Variants in WNT11 observed in about 807,000 individuals in gnomAD.
The protein encoded by WNT11 is Wnt family member 11.
A neutral mutation model predicts 35.6 loss-of-function variants in WNT11; 20 were observed. The ratio of observed to expected loss-of-function variants is 0.56; its 90% CI spans 0.40 to 0.82. The LOEUF is 0.82. WNT11 is among the 40% of genes least tolerant of loss of function. The probability of loss-of-function intolerance (pLI) is 0.00; values close to 1 mark genes in which losing one functional copy is unlikely to be tolerated. For synonymous variants in WNT11, 200 were observed against 211.9 expected (o/e 0.94, Z 0.49); for missense variants, 459 against 504.4 (o/e 0.91, Z 0.86).
At chr11:76,200,941 G>A (rs1409739363) in intron 1 of WNT11, among the ~76,000 whole-genome samples, 1 of 152,230 alleles carries the variant, frequency 6.6e-6, no homozygotes, top group East Asian at 1.9e-4. Context: ...CACGGGGTGG[G>A]ACGATGGGGG....
intron 4 of WNT11, among the ~76,000 whole-genome samples, chr11:76,188,412 G>A (rs190655571): frequency 6.6e-6 from 1 of 152,384 alleles, no homozygotes; most frequent in East Asian, 1.9e-4. Context: ...CGAAGACATT[G>A]AAGGTCCCTA....
chr11:76,210,705 C>A (rs550581582), upstream of WNT11: 2,266 of 981,664 alleles, frequency 2.3e-3, 2 homozygotes, highest in Non-Finnish European at 2.6e-3. Context: ...GCGCTCAGCT[C>A]CCGTGGCCTG....
intron 3 of WNT11, among the ~76,000 whole-genome samples, chr11:76,193,928 A>G (rs1446616048): frequency 6.6e-6 from 1 of 152,174 alleles, no homozygotes; most frequent in Non-Finnish European, 1.5e-5. Context: ...GGAGCACCAA[A>G]CACAGTGTCT....
intron 4 of WNT11, among the ~76,000 whole-genome samples, chr11:76,191,147 T>A (rs534992876): frequency 2.6e-5 from 4 of 152,334 alleles, no homozygotes; most frequent in Non-Finnish European, 5.9e-5. Flanking sequence ...CTCAGTCCCT[T>A]TGCTGTGCAA....
At chr11:76,209,756 C>T (rs947721885), upstream of WNT11, among the ~76,000 whole-genome samples, 1 of 152,066 alleles carries the variant, frequency 6.6e-6, no homozygotes, top group Non-Finnish European at 1.5e-5. Flanking sequence ...GGAGCCGGAC[C>T]CTGCACGCCC....
intron 1 of WNT11, among the ~76,000 whole-genome samples, chr11:76,198,281 G>A (rs1445412361): frequency 6.6e-6 from 1 of 152,234 alleles, no homozygotes; most frequent in Non-Finnish European, 1.5e-5. Flanking sequence ...GCCCAGGGCT[G>A]ACACTCTGTG....
intron 1 of WNT11, among the ~76,000 whole-genome samples, chr11:76,200,859 C>T (rs553998245): frequency 6.6e-6 from 1 of 152,386 alleles, no homozygotes; most frequent in African/African-American, 2.4e-5. Flanking sequence ...TAGCAGCAGG[C>T]TCATGGCACA....
intron 1 of WNT11, among the ~76,000 whole-genome samples, chr11:76,199,018 C>G (rs552149290): frequency 6.6e-6 from 1 of 152,248 alleles, no homozygotes; most frequent in South Asian, 2.1e-4. Context: ...TGCCTGTAAT[C>G]CCAGCTGCTC....
intron 1 of WNT11, among the ~76,000 whole-genome samples, chr11:76,204,451 C>T (rs967870139): frequency 1.3e-5 from 2 of 152,308 alleles, no homozygotes; most frequent in Middle Eastern, 3.4e-3. Flanking sequence ...CTGTGCCTCC[C>T]GCCTAGGACG....
At chr11:76,210,746 G>C (rs1138946), upstream of WNT11, 1 of 897,914 alleles carries the variant, frequency 1.1e-6, no homozygotes, top group Non-Finnish European at 1.3e-6. Context: ...TCTCCTCCTC[G>C]CCTGGCGCGA....
chr11:76,202,087 G>A (rs1953388764), intron 1 of WNT11, among the ~76,000 whole-genome samples: 2 of 152,150 alleles, frequency 1.3e-5, no homozygotes, highest in Admixed American at 1.3e-4. Flanking sequence ...GGCCGCCCAC[G>A]GTGCTGAGTG....
chr11:76,198,619 C>G (rs1953325217), intron 1 of WNT11, among the ~76,000 whole-genome samples: 1 of 152,216 alleles, frequency 6.6e-6, no homozygotes, highest in African/African-American at 2.4e-5. Flanking sequence ...TAAGCACCAA[C>G]TCTTCCCAGA....
Position 76,194,436 on chromosome 11 carries a change from G to C in WNT11, c.597+131C>G, listed in dbSNP as rs1452154817. 1 of 1,096,552 alleles carries C rather than the reference G, an allele frequency of 9.1e-7. No homozygotes were observed. Among genetic ancestry groups the C allele is most frequent in the Admixed American group, 2.8e-5 (1 of 35,530 alleles). The allele number at this position is 1,096,552 out of a possible 1,614,324, so 67.9% of individuals were successfully genotyped here. On this transcript the variant is annotated intron_variant, in intron 3 of 4. Coordinates refer to ENST00000322563, the MANE Select transcript of WNT11 (RefSeq NM_004626.3). The surrounding 1 kb of genome is among the most constrained non-coding windows in gnomAD (Gnocchi z 5.4). ...GAAGGGCTGAGGATGAGGATGGTGCGAGGCACATCAGGTGTGGGCCAGTCA... is the reference window on the plus strand; with the variant it reads ...GAAGGGCTGAGGATGAGGATGGTGCCAGGCACATCAGGTGTGGGCCAGTCA...
In WNT11 at chr11:76,186,717, AC is replaced by A. The variant is rs1953099086; in HGVS notation, c.*347del. 1.2e-5 allele frequency: 5 copies of A among 400,130 alleles called. No individual in the cohort carries two copies. Among genetic ancestry groups the A allele is most frequent in the South Asian group, 9.7e-5 (5 of 51,386 alleles). The allele number at this position is 400,130 out of a possible 1,614,324, so 24.8% of individuals were successfully genotyped here. ...AGAACATTCTGAAGAAGGCGGGCAGACCCCTTCCCGGAGGCTGGTCTCTGTG... is the reference window on the plus strand; with the variant it reads ...AGAACATTCTGAAGAAGGCGGGCAGACCCTTCCCGGAGGCTGGTCTCTGTG... On this transcript the variant is annotated 3_prime_UTR_variant, in exon 5 of 5. Transcript: ENST00000322563.
At chr11:76,207,423 C>G (rs972257733), upstream of WNT11, among the ~76,000 whole-genome samples, 2 of 152,196 alleles carry the variant, frequency 1.3e-5, no homozygotes, top group Non-Finnish European at 2.9e-5. Flanking sequence ...CTCCCAGCAC[C>G]CCGTGAGATA....
chr11:76,197,972 G>A (rs892370286), intron 1 of WNT11, among the ~76,000 whole-genome samples: 1 of 152,194 alleles, frequency 6.6e-6, no homozygotes, highest in East Asian at 1.9e-4. Context: ...ACCCAGGAGC[G>A]ACAGGGAACC....
At chr11:76,199,097 C>T (rs960195357) in intron 1 of WNT11, among the ~76,000 whole-genome samples, 5 of 152,120 alleles carry the variant, frequency 3.3e-5, no homozygotes, top group Non-Finnish European at 5.9e-5. Context: ...TGCACCACTG[C>T]ACTCCAGCCT....
At chr11:76,196,031 G>A (rs745421885) in intron 2 of WNT11, among the ~76,000 whole-genome samples, 2 of 152,128 alleles carry the variant, frequency 1.3e-5, no homozygotes, top group Non-Finnish European at 2.9e-5. Flanking sequence ...ACTGCTTTGC[G>A]CATGGTGCAA....
upstream of WNT11, among the ~76,000 whole-genome samples, chr11:76,207,398 C>G (rs1210175221): frequency 1.3e-5 from 2 of 152,204 alleles, no homozygotes; most frequent in East Asian, 3.8e-4. Flanking sequence ...TTCCCTAACA[C>G]GATCGCATCT....
Sources: allele counts gnomAD v4.1 joint callset (sites outside exome capture counted in the v4.1 genomes callset), GRCh38; gene constraint gnomAD v4.1.1; non-coding constraint Gnocchi (gnomAD v3.1); transcripts MANE v1.5; gene names NCBI Gene and HGNC (gene_info 2026-07-23, HGNC 2026-07-21).